Variants in SATB1 observed in about 807,000 individuals in gnomAD.
SATB1 encodes DNA-binding protein SATB1.
In SATB1, 11 loss-of-function variants were observed where a neutral mutation model predicts 86.9. The observed-to-expected ratio is 0.13, with a 90% confidence interval of 0.08 to 0.21. SATB1 has a LOEUF of 0.21. SATB1 is among the 10% of genes least tolerant of loss of function. The pLI is 1.00. For synonymous variants in SATB1, 357 were observed against 357.2 expected (o/e 1.00, Z 0.01); for missense variants, 551 against 937.6 (o/e 0.59, Z 5.39).
chr3:18,348,956 G>A lies in SATB1; in HGVS notation c.*214C>T, dbSNP rs1694203197. 9.9e-6 allele frequency: 7 copies of A among 708,834 alleles called. No individual in the cohort carries two copies. The Admixed American group carries it at 1.9e-4, about 19-fold the overall frequency. 43.9% of individuals were successfully genotyped at this position (708,834 alleles called of 1,614,324 possible). On this transcript the variant is annotated 3_prime_UTR_variant, in exon 11 of 11. Transcript: ENST00000338745. ...ATTTTAATACCAAACAATCCTTGAT[G>A]CTTCACCTGGGGCTGCCAAGCAGTT...
chr3:18,350,037 A>G (rs1694275508), intron 10 of SATB1: 2 of 236,976 alleles, frequency 8.4e-6, no homozygotes, highest in East Asian at 1.8e-4. Context: ...GTAAATAATT[A>G]ACAAAGATTT....
intron 9 of SATB1, among the ~76,000 whole-genome samples, chr3:18,354,979 TTAAA>T (rs1476217413): frequency 6.6e-6 from 1 of 152,136 alleles, no homozygotes; most frequent in Non-Finnish European, 1.5e-5. Context: ...ACCTCTGCCC[TTAAA>T]TAATACTTCT....
intron 8 of SATB1, among the ~76,000 whole-genome samples, chr3:18,378,934 C>T (rs868800626): frequency 2.6e-5 from 4 of 152,284 alleles, no homozygotes; most frequent in East Asian, 1.9e-4. Flanking sequence ...GAATTTTACA[C>T]GTGCATGTCC....
At chr3:18,391,719 A>C (rs571867985) in intron 7 of SATB1, among the ~76,000 whole-genome samples, 112 of 152,166 alleles carry the variant, frequency 7.4e-4, no homozygotes, top group African/African-American at 2.6e-3. Flanking sequence ...AACTCTGCAG[A>C]GCTCCTTGTC....
upstream of SATB1, among the ~76,000 whole-genome samples, chr3:18,443,486 G>T (rs1478198265): frequency 6.6e-6 from 1 of 152,230 alleles, no homozygotes; most frequent in African/African-American, 2.4e-5. The surrounding 1 kb of genome is among the most constrained non-coding windows in gnomAD (Gnocchi z 4.4). Flanking sequence ...AGGACACTTT[G>T]AGAGAGGACC....
intron 2 of SATB1, among the ~76,000 whole-genome samples, chr3:18,434,445 T>G (rs1698994472): frequency 6.6e-6 from 1 of 151,964 alleles, no homozygotes; most frequent in African/African-American, 2.4e-5. Context: ...CAGATAATAT[T>G]TGCATGTTAT....
At chr3:18,414,749 C>T (rs1219855330) in intron 5 of SATB1, among the ~76,000 whole-genome samples, 1 of 151,988 alleles carries the variant, frequency 6.6e-6, no homozygotes, top group Non-Finnish European at 1.5e-5. Flanking sequence ...TCCCTCTCAC[C>T]GAAGCTTCGT....
rs574682948 is a variant in SATB1, at chr3:18,359,146, T to G, written c.1576-6951A>C. Reference sequence around the variant, plus strand: ...GATAAAAAGGTGCAAATCATTTGTTTTTAATGGTATTTATGTTTACCTCTT... The same window carrying G: ...GATAAAAAGGTGCAAATCATTTGTTGTTAATGGTATTTATGTTTACCTCTT... On this transcript the variant is annotated intron_variant, in intron 9 of 10. Coordinates refer to ENST00000338745, the MANE Select transcript of SATB1 (RefSeq NM_002971.6). Among the ~76,000 whole-genome samples the G allele has an allele frequency of 3.9e-5, 6 of 152,152 alleles. No individual in the cohort carries two copies. The East Asian group carries it at 1.2e-3, about 29-fold the overall frequency.
intron 5 of SATB1, among the ~76,000 whole-genome samples, chr3:18,402,255 C>A (rs918575419): frequency 4.0e-5 from 6 of 151,830 alleles, no homozygotes; most frequent in African/African-American, 1.5e-4. Flanking sequence ...AGAGGTGAGG[C>A]CTTCTCAAAA....
intron 9 of SATB1, among the ~76,000 whole-genome samples, chr3:18,373,160 T>C (rs1250446894): frequency 6.6e-6 from 1 of 152,192 alleles, no homozygotes; most frequent in East Asian, 1.9e-4. Context: ...CTTTAGAAAG[T>C]GAATGAAGAA....
chr3:18,431,857 G>A (rs1265940718), intron 2 of SATB1, among the ~76,000 whole-genome samples: 1 of 152,152 alleles, frequency 6.6e-6, no homozygotes, highest in African/African-American at 2.4e-5. Context: ...ATAAATACAT[G>A]CTATTTGAGG....
rs1190787066 is a variant in SATB1 at position 18,346,799 on chromosome 3, A to C, written c.*2371T>G. 6.6e-6 allele frequency: 1 copy of C among 152,180 alleles called. No individual in the cohort carries two copies. The highest frequency in any genetic ancestry group is 2.4e-5 in the African/African-American group (1 of 41,466). 9.4% of individuals were successfully genotyped at this position (152,180 alleles called of 1,614,324 possible). A position where few individuals can be genotyped will look rare whatever the true frequency, so the allele number is the denominator to read the frequency against. On this transcript the variant is annotated 3_prime_UTR_variant, in exon 11 of 11. Coordinates refer to ENST00000338745, the MANE Select transcript of SATB1 (RefSeq NM_002971.6). ...GAATTGGAAAGTTATTTGCAACCCAAACTTAGGGGATATAAGGAAGAGGAA... is the reference window on the plus strand; with the variant it reads ...GAATTGGAAAGTTATTTGCAACCCACACTTAGGGGATATAAGGAAGAGGAA...
intron 9 of SATB1, among the ~76,000 whole-genome samples, chr3:18,375,565 T>A (rs528914809): frequency 1.3e-5 from 2 of 152,170 alleles, no homozygotes; most frequent in African/African-American, 4.8e-5. Flanking sequence ...AGAAGTGCAA[T>A]ATTTTGACCA....
upstream of SATB1, among the ~76,000 whole-genome samples, chr3:18,425,815 G>A (rs993604499): frequency 6.8e-6 from 1 of 146,254 alleles, no homozygotes; most frequent in Admixed American, 6.8e-5. Context: ...GTGTGAGTGG[G>A]AGGGAGGAGG....
intron 8 of SATB1, among the ~76,000 whole-genome samples, chr3:18,383,298 A>T (rs1046168746): frequency 3.3e-5 from 5 of 152,294 alleles, no homozygotes; most frequent in African/African-American, 1.2e-4. Flanking sequence ...TTTCTTGAAG[A>T]TGACTTAGAA....
intron 9 of SATB1, among the ~76,000 whole-genome samples, chr3:18,370,571 GAAAAGA>G (rs368107270): frequency 0.012 from 901 of 73,148 alleles, 9 homozygotes; most frequent in African/African-American, 0.047. Flanking sequence ...AAAAAGAAAA[GAAAAGA>G]AAAAAAAAAC....
Position 18,345,950 on chromosome 3 carries a change from G to A in SATB1, c.*3220C>T, listed in dbSNP as rs992412901. On this transcript the variant is annotated 3_prime_UTR_variant, in exon 11 of 11. Transcript: ENST00000338745. ...ACTCAATCTTGAATCATCTGAGAATGTTTTCTATTCAAGCCAGTATTTTTA... is the reference window on the plus strand; with the variant it reads ...ACTCAATCTTGAATCATCTGAGAATATTTTCTATTCAAGCCAGTATTTTTA... 6.6e-6 allele frequency: 1 copy of A among 152,002 alleles called. No individual in the cohort carries two copies. Among genetic ancestry groups the A allele is most frequent in the Non-Finnish European group, 1.5e-5 (1 of 67,956 alleles). The allele number at this position is 152,002 out of a possible 1,614,324, so 9.4% of individuals were successfully genotyped here. A position where few individuals can be genotyped will look rare whatever the true frequency, so the allele number is the denominator to read the frequency against.
At position 18,394,845 on chromosome 3, in the gene SATB1, G is replaced by C. The variant is rs746442597; in HGVS notation, c.823C>G (p.Pro275Ala). The C allele has an allele frequency of 1.2e-6, 2 of 1,613,804 alleles. No individual in the cohort carries two copies. Among genetic ancestry groups the C allele is most frequent in the East Asian group, 2.2e-5 (1 of 44,874 alleles). Residue 275 changes from proline (P) to alanine (A), a missense_variant, in exon 7 of 11, where the codon CCA (proline) becomes GCA (alanine). By Grantham distance (27) the Pro-to-Ala change is conservative. Coordinates refer to ENST00000338745, the MANE Select transcript of SATB1 (RefSeq NM_002971.6). The surrounding 1 kb of genome is among the most constrained non-coding windows in gnomAD (Gnocchi z 5.9). Reference protein sequence around the residue: ...NHVNFGQQPVPGNTAEQPPSP... With the variant: ...NHVNFGQQPVAGNTAEQPPSP... ...GGAGGCTGCTCGGCTGTGTTCCCTG[G>C]AACTGGTTGCTGGCCAAAATTGACA...
chr3:18,357,914 G>A (rs1332996268), intron 9 of SATB1, among the ~76,000 whole-genome samples: 1 of 151,744 alleles, frequency 6.6e-6, no homozygotes, highest in Non-Finnish European at 1.5e-5. Context: ...CTAGGTGTGA[G>A]GTCTAAATGC....
Sources: gnomAD v4.1 joint callset for allele counts (sites outside exome capture counted in the v4.1 genomes callset) on GRCh38, gnomAD v4.1.1 for gene constraint, Gnocchi (gnomAD v3.1) non-coding constraint, MANE v1.5 for transcripts, NCBI Gene and HGNC (gene_info 2026-07-23, HGNC 2026-07-21) for gene names.